GMDS: variants seen among roughly 807,000 people sequenced by gnomAD.
GMDS encodes the protein GDP-mannose 4,6 dehydratase.
GMDS carries 20 observed loss-of-function variants against 49.9 expected under a neutral mutation model. The observed-to-expected ratio is 0.40, with a 90% CI of 0.28 to 0.58. The LOEUF is 0.58. Among genes scored for constraint, GMDS ranks in the 20% least tolerant of loss-of-function variants. The pLI is 0.42. For synonymous variants in GMDS, 177 were observed against 178.6 expected, an observed-to-expected ratio of 0.99 and a Z score of 0.07; for missense variants, 362 against 481.4, an observed-to-expected ratio of 0.75 and a Z score of 2.32.
At chr6:1,770,083 C>T (rs565646690) in intron 7 of GMDS, among the ~76,000 whole-genome samples, 4 of 152,188 alleles carry the variant, frequency 2.6e-5, no homozygotes, top group African/African-American at 9.7e-5. Context: ...TAAAATCTTA[C>T]AACATTTTGG....
chr6:1,849,107 G>T (rs1488669340), intron 7 of GMDS, among the ~76,000 whole-genome samples: 1 of 152,152 alleles, frequency 6.6e-6, no homozygotes, highest in Non-Finnish European at 1.5e-5. Context: ...AGCACTGCTG[G>T]CCTAGACCTG....
At chr6:2,119,692 G>A (rs1447825459) in intron 2 of GMDS, among the ~76,000 whole-genome samples, 5 of 152,228 alleles carry the variant, frequency 3.3e-5, no homozygotes, top group East Asian at 1.9e-4. Flanking sequence ...GATATGAGGT[G>A]TTAGGAACCA....
intron 1 of GMDS, among the ~76,000 whole-genome samples, chr6:2,141,687 C>G (rs1461006921): frequency 6.6e-6 from 1 of 152,204 alleles, no homozygotes; most frequent in Non-Finnish European, 1.5e-5. Flanking sequence ...TGGGAAGCCA[C>G]AGGATGTCAA....
At chr6:1,802,097 C>T (rs1036280799) in intron 7 of GMDS, among the ~76,000 whole-genome samples, 1 of 152,178 alleles carries the variant, frequency 6.6e-6, no homozygotes, top group African/African-American at 2.4e-5. Context: ...AACGGAGATG[C>T]AGTACCACCT....
chr6:2,032,751 T>A (rs1188967348), intron 4 of GMDS, among the ~76,000 whole-genome samples: 1 of 152,168 alleles, frequency 6.6e-6, no homozygotes, highest in Non-Finnish European at 1.5e-5. Flanking sequence ...TCTCCATTCA[T>A]CATTATAAAA....
chr6:1,987,306 A>C (rs1418403242), intron 4 of GMDS, among the ~76,000 whole-genome samples: 2 of 152,088 alleles, frequency 1.3e-5, no homozygotes, highest in Non-Finnish European at 2.9e-5. Flanking sequence ...CTTTCTATTT[A>C]TATACATACA....
chr6:2,081,173 A>G (rs1200824610), intron 4 of GMDS, among the ~76,000 whole-genome samples: 1 of 152,244 alleles, frequency 6.6e-6, no homozygotes, highest in East Asian at 1.9e-4. Context: ...TGAAAGATGA[A>G]AAAGATATGG....
chr6:1,777,592 A>G (rs543647942), intron 7 of GMDS, among the ~76,000 whole-genome samples: 1 of 152,350 alleles, frequency 6.6e-6, no homozygotes, highest in African/African-American at 2.4e-5. Flanking sequence ...AATGACATCA[A>G]TATTTCTAGG....
intron 7 of GMDS, among the ~76,000 whole-genome samples, chr6:1,827,189 C>T (rs1771161169): frequency 7.2e-6 from 1 of 139,760 alleles, no homozygotes; most frequent in Non-Finnish European, 1.6e-5. Flanking sequence ...GATATATATA[C>T]ATATATGTAT....
At chr6:1,768,656 A>G (rs1028255660) in intron 7 of GMDS, among the ~76,000 whole-genome samples, 10 of 152,258 alleles carry the variant, frequency 6.6e-5, no homozygotes, top group Non-Finnish European at 2.9e-5. Context: ...TCCAAAGGAC[A>G]TGCTCATTGG....
intron 7 of GMDS, among the ~76,000 whole-genome samples, chr6:1,834,871 AC>A (rs1756851688): frequency 6.6e-6 from 1 of 151,634 alleles, no homozygotes; most frequent in African/African-American, 2.4e-5. Context: ...CAGTTTTATT[AC>A]CCCCATCCAC....
At chr6:1,757,028 G>GA (rs1235703947) in intron 7 of GMDS, among the ~76,000 whole-genome samples, 1 of 152,036 alleles carries the variant, frequency 6.6e-6, no homozygotes, top group Non-Finnish European at 1.5e-5. Flanking sequence ...GCCATCTCTA[G>GA]AAAAAAATCT....
chr6:1,939,911 G>A (rs959331116), intron 6 of GMDS, among the ~76,000 whole-genome samples: 35 of 152,116 alleles, frequency 2.3e-4, no homozygotes, highest in South Asian at 2.1e-4. Flanking sequence ...TGCCGTAGAC[G>A]TAAGGAAGAA....
At chr6:1,897,046 C>G (rs550091253) in intron 7 of GMDS, among the ~76,000 whole-genome samples, 15 of 152,266 alleles carry the variant, frequency 9.9e-5, no homozygotes, top group East Asian at 5.8e-4. Context: ...TCGGGAGGAG[C>G]AGCAGGTGAA....
At chr6:1,695,081 A>G (rs1765292816) in intron 9 of GMDS, among the ~76,000 whole-genome samples, 1 of 151,898 alleles carries the variant, frequency 6.6e-6, no homozygotes, top group South Asian at 2.1e-4. Flanking sequence ...TTAAAAAAAA[A>G]TAACAAACTT....
chr6:1,878,740 G>A (rs1759223229), intron 7 of GMDS, among the ~76,000 whole-genome samples: 1 of 152,104 alleles, frequency 6.6e-6, no homozygotes, highest in Admixed American at 6.5e-5. Flanking sequence ...ATTTTCTATA[G>A]TATATAGTAC....
intron 4 of GMDS, among the ~76,000 whole-genome samples, chr6:2,115,039 T>C (rs1453891418): frequency 6.6e-6 from 1 of 152,228 alleles, no homozygotes; most frequent in African/African-American, 2.4e-5. Flanking sequence ...TACTTGCTTT[T>C]ATTTCTCAGG....
At chr6:1,733,797 A>C in intron 8 of GMDS, among the ~76,000 whole-genome samples, 1 of 151,482 alleles carries the variant, frequency 6.6e-6, no homozygotes, top group East Asian at 1.9e-4. Flanking sequence ...GGTTGCGGTG[A>C]GCCGAGATCG....
chr6:2,005,008 C>T (rs1767067040), intron 4 of GMDS, among the ~76,000 whole-genome samples: 1 of 152,246 alleles, frequency 6.6e-6, no homozygotes, highest in South Asian at 2.1e-4. Flanking sequence ...AGTATATAGA[C>T]AGTTTATAGG....
Sources: allele counts gnomAD v4.1 joint callset (sites outside exome capture counted in the v4.1 genomes callset), GRCh38; gene constraint gnomAD v4.1.1; transcripts MANE v1.5; gene names NCBI Gene and HGNC (gene_info 2026-07-23, HGNC 2026-07-21).